Variants in MAPRE2 observed in about 807,000 individuals in gnomAD.
MAPRE2 encodes the protein microtubule associated protein RP/EB family member 2, also known as microtubule-associated protein RP/EB family member 2.
Under a neutral mutation model 43.2 loss-of-function variants are expected in MAPRE2, and 13 were observed. The ratio of observed to expected loss-of-function variants is 0.30; its 90% CI spans 0.20 to 0.48. The LOEUF (loss-of-function observed/expected upper bound fraction) is 0.48, where lower values mean the gene tolerates loss of function less well. MAPRE2 is among the 20% of genes least tolerant of loss of function. The probability of loss-of-function intolerance (pLI) is 0.99; values close to 1 mark genes in which losing one functional copy is unlikely to be tolerated. For synonymous variants in MAPRE2, 135 were observed against 148.8 expected (o/e 0.91, Z 0.68); for missense variants, 161 against 400.2 (o/e 0.40, Z 5.10).
chr18:35,002,490 GT>G (rs1412921691), intron 1 of MAPRE2, among the ~76,000 whole-genome samples: 1 of 152,174 alleles, frequency 6.6e-6, no homozygotes, highest in Non-Finnish European at 1.5e-5. Context: ...CTACAAAACT[GT>G]TTTCCACAGT....
intron 1 of MAPRE2, chr18:34,988,530 T>A (rs2097022145): frequency 6.6e-6 from 1 of 152,220 alleles, no homozygotes; most frequent in African/African-American, 2.4e-5. Flanking sequence ...TCTGTGTACA[T>A]CTTTATGACT....
At chr18:35,098,665 T>C (rs926711041) in intron 3 of MAPRE2, among the ~76,000 whole-genome samples, 1 of 152,214 alleles carries the variant, frequency 6.6e-6, no homozygotes, top group Admixed American at 6.5e-5. Flanking sequence ...AAACTAGGGA[T>C]ATATAGGTTC....
At chr18:35,031,418 T>C (rs721879) in intron 2 of MAPRE2, among the ~76,000 whole-genome samples, 1 of 152,246 alleles carries the variant, frequency 6.6e-6, no homozygotes, top group Non-Finnish European at 1.5e-5. Context: ...CATTGTATTT[T>C]TATGGAAAAC....
chr18:35,049,933 A>G lies in MAPRE2; in HGVS notation c.122+8272A>G, dbSNP rs1013665031. 2.0e-5 allele frequency among the ~76,000 whole-genome samples: 3 copies of G among 152,178 alleles called. No individual in the cohort carries two copies. The East Asian group carries it at 5.8e-4, about 29-fold the overall frequency. On this transcript the variant is annotated intron_variant, in intron 1 of 6. Transcript: ENST00000300249. ...GCAGGAAGTTCATTTCTGCTTTTCAAAAAGTCGAGGAAAAGTAAAAGGCTT... is the reference window on the plus strand; with the variant it reads ...GCAGGAAGTTCATTTCTGCTTTTCAGAAAGTCGAGGAAAAGTAAAAGGCTT...
intron 1 of MAPRE2, among the ~76,000 whole-genome samples, chr18:35,045,159 T>G (rs182581074): frequency 2.6e-5 from 4 of 152,358 alleles, no homozygotes; most frequent in East Asian, 1.9e-4. Context: ...CTATGTATTT[T>G]AAGACCTGCT....
At chr18:35,022,503 C>T (rs2097042550) in intron 2 of MAPRE2, among the ~76,000 whole-genome samples, 1 of 151,994 alleles carries the variant, frequency 6.6e-6, no homozygotes, top group African/African-American at 2.4e-5. Context: ...TTGAATCATG[C>T]TTTTGAACAA....
At chr18:35,051,734 G>A (rs1361307383) in intron 1 of MAPRE2, among the ~76,000 whole-genome samples, 1 of 152,110 alleles carries the variant, frequency 6.6e-6, no homozygotes, top group Non-Finnish European at 1.5e-5. Flanking sequence ...TCCCTTTCTA[G>A]GGCAACATTT....
chr18:34,989,288 T>C (rs1278295401), intron 1 of MAPRE2, among the ~76,000 whole-genome samples: 5 of 152,234 alleles, frequency 3.3e-5, no homozygotes, highest in Admixed American at 3.3e-4. Flanking sequence ...ATTTGTAATG[T>C]TCCCTTTATC....
chr18:35,016,515 A>G (rs2097038354), intron 2 of MAPRE2, among the ~76,000 whole-genome samples: 1 of 151,990 alleles, frequency 6.6e-6, no homozygotes. Flanking sequence ...TTGGTGTGAG[A>G]TGGCATCTCA....
chr18:35,049,768 A>G (rs1905842020), intron 1 of MAPRE2, among the ~76,000 whole-genome samples: 1 of 152,230 alleles, frequency 6.6e-6, no homozygotes, highest in South Asian at 2.1e-4. Context: ...GGGCAAAATT[A>G]TCACTCCTAT....
intron 2 of MAPRE2, among the ~76,000 whole-genome samples, chr18:35,023,584 A>G (rs1210805512): frequency 6.6e-6 from 1 of 151,250 alleles, no homozygotes; most frequent in African/African-American, 2.4e-5. Context: ...AGGAAGGGGA[A>G]TAGAAGTAGA....
chr18:35,048,960 C>T (rs1410489382), intron 1 of MAPRE2, among the ~76,000 whole-genome samples: 1 of 152,000 alleles, frequency 6.6e-6, no homozygotes, highest in African/African-American at 2.4e-5. Context: ...TTTGTTGTTG[C>T]GTATGACTAA....
chr18:35,134,441 T>C (rs564230270), intron 6 of MAPRE2, among the ~76,000 whole-genome samples: 90 of 152,352 alleles, frequency 5.9e-4, no homozygotes, highest in African/African-American at 1.8e-3. Flanking sequence ...TAATTACTTA[T>C]CTACATTTTA....
At chr18:35,073,093 AG>A (rs1235928148) in intron 2 of MAPRE2, among the ~76,000 whole-genome samples, 1 of 152,178 alleles carries the variant, frequency 6.6e-6, no homozygotes, top group African/African-American at 2.4e-5. Flanking sequence ...GGTACCTCTG[AG>A]TATAGCCTAG....
chr18:35,037,510 G>C (rs2097051170), upstream of MAPRE2, among the ~76,000 whole-genome samples: 1 of 152,208 alleles, frequency 6.6e-6, no homozygotes, highest in South Asian at 2.1e-4. Context: ...TTGGTGACAG[G>C]AGTTATTTTC....
At chr18:35,103,025 A>C (rs979302976) in intron 4 of MAPRE2, among the ~76,000 whole-genome samples, 1 of 151,324 alleles carries the variant, frequency 6.6e-6, no homozygotes, top group African/African-American at 2.5e-5. Flanking sequence ...ACAGGACCAC[A>C]TAGGTGGTAA....
At chr18:34,984,983 T>C (rs2097018585) in intron 1 of MAPRE2, among the ~76,000 whole-genome samples, 1 of 78,430 alleles carries the variant, frequency 1.3e-5, no homozygotes, top group Non-Finnish European at 2.2e-5. Flanking sequence ...ATATAAAATA[T>C]ATTATATATA....
At chr18:35,106,972 G>GT (rs1237756902) in intron 4 of MAPRE2, among the ~76,000 whole-genome samples, 2 of 152,114 alleles carry the variant, frequency 1.3e-5, no homozygotes, top group African/African-American at 4.8e-5. Context: ...GTGGGGATTG[G>GT]TTTTTATGTG....
rs796704193 is a variant in MAPRE2, at chr18:35,023,404, C to A, written c.-8+17851C>A. Among the ~76,000 whole-genome samples, 3 of 151,744 alleles carry A rather than the reference C, an allele frequency of 2.0e-5. No individual in the cohort carries two copies. The East Asian group carries it at 5.8e-4, about 29-fold the overall frequency. On this transcript the variant is annotated intron_variant, in intron 2 of 7. Transcript: ENST00000413393. Reference sequence around the variant, plus strand: ...GCAGGCGCCTGTAGTCCCAGCTACTCGGGTGGCTGAGGCAGGAGAATGGCA... The same window carrying A: ...GCAGGCGCCTGTAGTCCCAGCTACTAGGGTGGCTGAGGCAGGAGAATGGCA...
Sources: gnomAD v4.1 joint callset for allele counts (sites outside exome capture counted in the v4.1 genomes callset) on GRCh38, gnomAD v4.1.1 for gene constraint, MANE v1.5 for transcripts, NCBI Gene and HGNC (gene_info 2026-07-23, HGNC 2026-07-21) for gene names.